Variants in PATL2 observed in about 807,000 individuals in gnomAD.
PATL2 encodes PAT1 homolog 2, also known as protein PAT1 homolog 2.
In PATL2, 73 loss-of-function variants were observed where a neutral mutation model predicts 77.0. The ratio of observed to expected loss-of-function variants is 0.95; its 90% CI spans 0.78 to 1.15. PATL2 has a LOEUF of 1.15. Among genes scored for constraint, PATL2 ranks in the 50% most tolerant of loss-of-function variants. The probability of loss-of-function intolerance (pLI) is 0.00; values close to 1 mark genes in which losing one functional copy is unlikely to be tolerated. For missense variants in PATL2, 618 were observed against 655.4 expected (o/e 0.94, Z 0.62); for synonymous variants, 265 against 257.1 (o/e 1.03, Z -0.29).
rs957198362 is a variant in PATL2 at position 44,698,057 on chromosome 15, T to A, written c.-76+12039A>T. ...CCTGGCTTGGTCATTTTGTTTAATT[T>A]TTTTATTTTTATTTTCTGTCTTTAA... On this transcript the variant is annotated intron_variant, in intron 3 of 17. Coordinates refer to ENST00000682850, the MANE Select transcript of PATL2 (RefSeq NM_001387263.1). 4.1e-5 allele frequency among the ~76,000 whole-genome samples: 6 copies of A among 145,900 alleles called. No individual in the cohort carries two copies. In the Admixed American group the frequency reaches 4.2e-4, roughly 10 times the overall value.
At chr15:44,692,006 G>C (rs982693039) in intron 3 of PATL2, among the ~76,000 whole-genome samples, 3 of 152,036 alleles carry the variant, frequency 2.0e-5, no homozygotes, top group Non-Finnish European at 4.4e-5. Context: ...TACAGGATTA[G>C]GTAAAAATGT....
intron 17 of PATL2, 101 bp downstream of exon 17, chr15:44,666,291 C>A: frequency 7.0e-6 from 10 of 1,430,942 alleles, no homozygotes; most frequent in Admixed American, 2.0e-5. Flanking sequence ...ACACATGATC[C>A]TTCATGCTCA....
chr15:44,668,435 C>T lies in PATL2; in HGVS notation c.1272G>A (p.Leu424=), dbSNP rs1352317369. ...GTCCTTGGAGGAGTTCGTGGAGGGT[C>T]AAGTGACTAATACATTTGCCCAGAG... ...FKPLGKCISH[L]TLHELLQGLQ... Residue 424 remains leucine (L), a synonymous_variant, in exon 15 of 18, where the codon TTG becomes TTA. Transcript: ENST00000682850. The T allele has an allele frequency of 1.3e-6, 2 of 1,551,356 alleles. No homozygotes were observed. Among genetic ancestry groups the T allele is most frequent in the Admixed American group, 2.0e-5 (1 of 50,990 alleles).
intron 3 of PATL2, 37 bp from the exon 4 acceptor site, chr15:44,676,602 G>C: frequency 6.7e-7 from 1 of 1,490,330 alleles, no homozygotes; most frequent in Non-Finnish European, 9.1e-7. Context: ...ACCATCCTCA[G>C]TCAGTAAGGA....
rs373224079 is a variant in PATL2 at position 44,674,201 on chromosome 15, C to A, written c.252G>T (p.Lys84Asn). The A allele has an allele frequency of 2.6e-6, 4 of 1,550,692 alleles. No individual in the cohort carries two copies. Among genetic ancestry groups the A allele is most frequent in the South Asian group, 1.2e-5 (1 of 84,028 alleles). The change falls in exon 6 of 18, where the codon AAG (lysine) becomes AAT (asparagine). Residue 84 changes from lysine to asparagine, a missense_variant. Lys to Asn is a moderately conservative substitution (Grantham distance 94). Transcript: ENST00000682850. Reference sequence around the variant, plus strand: ...GTGACATTCCCAGCATACCAGGGGCCTTGACTCCAGGGGAGCTAAGCAGAG... The same window carrying A: ...GTGACATTCCCAGCATACCAGGGGCATTGACTCCAGGGGAGCTAAGCAGAG... Reference protein sequence around the residue: ...QRALLSSPGVKAPGMLGMSLA... With the variant: ...QRALLSSPGVNAPGMLGMSLA...
intron 3 of PATL2, among the ~76,000 whole-genome samples, chr15:44,677,063 G>T (rs762984123): frequency 6.6e-6 from 1 of 152,172 alleles, no homozygotes; most frequent in African/African-American, 2.4e-5. Flanking sequence ...ATGGAGAAAA[G>T]ACATAAACTG....
chr15:44,674,063 C>T, intron 6 of PATL2, 87 bp downstream of exon 6: 1 of 1,316,212 alleles, frequency 7.6e-7, no homozygotes, highest in Non-Finnish European at 1.0e-6. Flanking sequence ...CTTTGGGTGC[C>T]TTAACTCCAG....
intron 3 of PATL2, among the ~76,000 whole-genome samples, chr15:44,692,738 T>C (rs2086420082): frequency 6.6e-6 from 1 of 152,274 alleles, no homozygotes; most frequent in Non-Finnish European, 1.5e-5. Context: ...ATCTTTGTCT[T>C]GGGGGCTGGA....
At position 44,711,019 on chromosome 15, in the gene PATL2, C is replaced by T. The variant is rs1025055693; in HGVS notation, c.-254+1G>A. 4 of 226,650 alleles carry T rather than the reference C, an allele frequency of 1.8e-5. No homozygotes were observed. The highest frequency in any genetic ancestry group is 2.7e-5 in the Non-Finnish European group (3 of 110,214). The allele number at this position is 226,650 out of a possible 1,614,324, so 14.0% of individuals were successfully genotyped here. On this transcript the variant is annotated splice_donor_variant, in intron 1 of 17. Transcript: ENST00000682850. LOFTEE classifies it low-confidence loss of function (5UTR_SPLICE). Reference sequence around the variant, plus strand: ...GATGCTTTTGGGACTATTTTTCTTACCCAGAGAATGGAGAAACCCTGCAGG... The same window carrying T: ...GATGCTTTTGGGACTATTTTTCTTATCCAGAGAATGGAGAAACCCTGCAGG...
At chr15:44,701,738 G>A (rs1049296856) in intron 3 of PATL2, among the ~76,000 whole-genome samples, 3 of 151,166 alleles carry the variant, frequency 2.0e-5, no homozygotes, top group Non-Finnish European at 4.4e-5. Context: ...ACCTGAGTCT[G>A]GGAAATTTAC....
chr15:44,694,125 A>ACCTTC (rs974061047), intron 3 of PATL2, among the ~76,000 whole-genome samples: 1 of 152,174 alleles, frequency 6.6e-6, no homozygotes, highest in African/African-American at 2.4e-5. Context: ...ATTTTGTGGA[A>ACCTTC]CCTTCCCTTC....
chr15:44,673,666 A>AGG (rs1255589634), intron 6 of PATL2, among the ~76,000 whole-genome samples: 2 of 152,020 alleles, frequency 1.3e-5, no homozygotes, highest in African/African-American at 4.8e-5. Context: ...TCTCTATAAT[A>AGG]GTCTTCTCTT....
intron 3 of PATL2, among the ~76,000 whole-genome samples, chr15:44,696,548 TG>T (rs2141255133): frequency 6.6e-6 from 1 of 152,316 alleles, no homozygotes; most frequent in South Asian, 2.1e-4. Context: ...TAGACTGCAA[TG>T]GTTACACACA....
rs1336855805 is a variant in PATL2 at position 44,665,867 on chromosome 15, ACT to A, written c.*84_*85del. The A allele has an allele frequency of 4.5e-6, 7 of 1,549,276 alleles. No individual in the cohort carries two copies. The highest frequency in any genetic ancestry group is 6.1e-6 in the Non-Finnish European group (7 of 1,145,954). ...ATAAAGGCATAAGAAATGTCTTCAGACTCTCTGGATCCCTGTAAACATAGTCT... is the reference window on the plus strand; with the variant it reads ...ATAAAGGCATAAGAAATGTCTTCAGACTCTGGATCCCTGTAAACATAGTCT... On this transcript the variant is annotated 3_prime_UTR_variant, in exon 18 of 18. Coordinates refer to ENST00000682850, the MANE Select transcript of PATL2 (RefSeq NM_001387263.1).
At chr15:44,673,806 G>T (rs1201427620) in intron 6 of PATL2, among the ~76,000 whole-genome samples, 1 of 152,112 alleles carries the variant, frequency 6.6e-6, no homozygotes, top group Non-Finnish European at 1.5e-5. Flanking sequence ...TCTACCCCAG[G>T]CCATGTTCCC....
chr15:44,681,160 C>T (rs938243905), intron 3 of PATL2, among the ~76,000 whole-genome samples: 3 of 152,070 alleles, frequency 2.0e-5, no homozygotes, highest in African/African-American at 4.8e-5. Flanking sequence ...GCTGGGACTA[C>T]GGCATACACC....
chr15:44,706,127 A>C (rs2086731452), intron 3 of PATL2, among the ~76,000 whole-genome samples: 1 of 152,254 alleles, frequency 6.6e-6, no homozygotes, highest in East Asian at 1.9e-4. Flanking sequence ...TTCTGTTTCA[A>C]AGGTCACATA....
In PATL2 at chr15:44,668,326, C is replaced by T; in HGVS notation, c.1365+16G>A. 6.5e-7 allele frequency: 1 copy of T among 1,548,502 alleles called. No homozygotes were observed. Among genetic ancestry groups the T allele is most frequent in the South Asian group, 1.2e-5 (1 of 83,776 alleles). ...CTGAAAGCCATCTATGGAAAAAAGC[C>T]TCCTAGACATGTTACCTGATTCTGA... On this transcript the variant is annotated intron_variant, in intron 15 of 17. Coordinates refer to ENST00000682850, the MANE Select transcript of PATL2 (RefSeq NM_001387263.1).
At chr15:44,683,371 G>C (rs997169664) in intron 3 of PATL2, among the ~76,000 whole-genome samples, 1 of 152,186 alleles carries the variant, frequency 6.6e-6, no homozygotes, top group Non-Finnish European at 1.5e-5. Flanking sequence ...ACAGCAGTCT[G>C]AAGTCAAGCT....
Sources: gnomAD v4.1 joint callset for allele counts (sites outside exome capture counted in the v4.1 genomes callset) on GRCh38, gnomAD v4.1.1 for gene constraint, MANE v1.5 for transcripts, NCBI Gene and HGNC (gene_info 2026-07-23, HGNC 2026-07-21) for gene names.